The following ATP8A2 variants were observed in gnomAD, a reference collection of about 807,000 sequenced individuals.
ATP8A2 encodes ATPase phospholipid transporting 8A2.
ATP8A2 carries 100 observed loss-of-function variants against 165.6 expected under a neutral mutation model. The observed-to-expected ratio is 0.60, with a 90% CI of 0.51 to 0.71. The LOEUF (loss-of-function observed/expected upper bound fraction) is 0.71. ATP8A2 is among the 30% of genes least tolerant of loss of function. The pLI is 0.00. For synonymous variants in ATP8A2, 543 were observed against 548.8 expected, an observed-to-expected ratio of 0.99 and a Z score of 0.15; for missense variants, 1,227 against 1,479.5, an observed-to-expected ratio of 0.83 and a Z score of 2.80.
At chr13:25,768,119 A>G (rs1279341288) in intron 25 of ATP8A2, among the ~76,000 whole-genome samples, 2 of 151,788 alleles carry the variant, frequency 1.3e-5, no homozygotes, top group African/African-American at 2.4e-5. Context: ...TAAGTGATCC[A>G]AAAGCTTACC....
chr13:25,620,343 C>T (rs941504010), intron 24 of ATP8A2, among the ~76,000 whole-genome samples: 26 of 152,114 alleles, frequency 1.7e-4, no homozygotes, highest in African/African-American at 6.0e-4. Context: ...AAATACCTGC[C>T]AACCCAGAGC....
chr13:25,601,090 CA>C (rs1394008157), intron 24 of ATP8A2, among the ~76,000 whole-genome samples: 2 of 152,170 alleles, frequency 1.3e-5, no homozygotes, highest in African/African-American at 2.4e-5. Flanking sequence ...TGACAAAGAA[CA>C]GTTGTCCAGG....
chr13:25,457,017 A>T (rs1427025306), intron 1 of ATP8A2, among the ~76,000 whole-genome samples: 1 of 152,222 alleles, frequency 6.6e-6, no homozygotes, highest in Non-Finnish European at 1.5e-5. Flanking sequence ...ATCATGTTTT[A>T]AGAAAGTTTA....
intron 24 of ATP8A2, among the ~76,000 whole-genome samples, chr13:25,636,980 C>T (rs185870996): frequency 1.2e-3 from 172 of 149,164 alleles, no homozygotes; most frequent in African/African-American, 4.1e-3. Flanking sequence ...GTCTCAGCTA[C>T]TCAAGAGGTT....
chr13:25,588,816 A>G (rs2039991508), intron 23 of ATP8A2, among the ~76,000 whole-genome samples: 1 of 152,190 alleles, frequency 6.6e-6, no homozygotes, highest in Non-Finnish European at 1.5e-5. Flanking sequence ...TCTGAGAGAC[A>G]GGCCAGTGCC....
At chr13:25,844,826 GT>G (rs1429582808) in intron 30 of ATP8A2, among the ~76,000 whole-genome samples, 1 of 152,116 alleles carries the variant, frequency 6.6e-6, no homozygotes, top group Admixed American at 6.6e-5. Flanking sequence ...AAGACAGGAG[GT>G]TTTACTAGAA....
At chr13:25,519,194 C>T (rs994737818) in intron 2 of ATP8A2, among the ~76,000 whole-genome samples, 1 of 152,150 alleles carries the variant, frequency 6.6e-6, no homozygotes, top group Admixed American at 6.5e-5. Context: ...AGACTTGCTC[C>T]TGCTCCTTCA....
chr13:25,908,518 C>T (rs180690462), intron 33 of ATP8A2, among the ~76,000 whole-genome samples: 2 of 152,244 alleles, frequency 1.3e-5, no homozygotes, highest in Admixed American at 1.3e-4. Context: ...CAGGTCCTTC[C>T]GAGGTGTCTT....
intron 25 of ATP8A2, among the ~76,000 whole-genome samples, chr13:25,749,311 G>T (rs1208719832): frequency 6.6e-6 from 1 of 152,124 alleles, no homozygotes; most frequent in East Asian, 1.9e-4. Context: ...GGAGGGGGAA[G>T]TGAAGCTGGC....
At chr13:25,969,787 A>T (rs1955872506) in intron 35 of ATP8A2, among the ~76,000 whole-genome samples, 2 of 152,268 alleles carry the variant, frequency 1.3e-5, no homozygotes, top group African/African-American at 4.8e-5. Context: ...GTAAAAAATC[A>T]TCAGTCAACA....
intron 33 of ATP8A2, chr13:25,944,871 T>TA (rs770982078): frequency 1.3e-5 from 2 of 152,236 alleles, no homozygotes; most frequent in African/African-American, 2.4e-5. Context: ...GGTAGTCTCT[T>TA]ACTGTATGAC....
chr13:25,619,491 G>T (rs1016764031), intron 24 of ATP8A2, among the ~76,000 whole-genome samples: 2 of 151,994 alleles, frequency 1.3e-5, no homozygotes, highest in South Asian at 4.2e-4. Context: ...GAAGATACTC[G>T]AATAACCAGA....
chr13:25,431,601 T>G (rs1467545573), intron 1 of ATP8A2, among the ~76,000 whole-genome samples: 2 of 152,252 alleles, frequency 1.3e-5, no homozygotes, highest in African/African-American at 4.8e-5. Flanking sequence ...TAGCACTAGC[T>G]TGATTTCTTC....
chr13:25,828,434 A>G (rs928735361), intron 28 of ATP8A2, among the ~76,000 whole-genome samples: 1 of 152,210 alleles, frequency 6.6e-6, no homozygotes, highest in African/African-American at 2.4e-5. Context: ...TAACCCATAT[A>G]TCTTGATAAT....
chr13:25,674,739 T>C (rs1047865874), intron 24 of ATP8A2, among the ~76,000 whole-genome samples: 6 of 152,208 alleles, frequency 3.9e-5, no homozygotes, highest in African/African-American at 1.4e-4. Flanking sequence ...TCCCGTGTAG[T>C]GACTATTAGG....
chr13:25,412,133 AGG>A (rs1408948464), intron 1 of ATP8A2, among the ~76,000 whole-genome samples: 3 of 152,182 alleles, frequency 2.0e-5, no homozygotes, highest in African/African-American at 7.2e-5. Flanking sequence ...TCTCAGAGAC[AGG>A]CAGGCATCCT....
At chr13:25,591,080 C>T (rs529628984) in intron 24 of ATP8A2, among the ~76,000 whole-genome samples, 54 of 152,050 alleles carry the variant, frequency 3.6e-4, no homozygotes, top group Admixed American at 1.9e-3. Context: ...CAGTCTTCCC[C>T]CTCTCACACG....
intron 33 of ATP8A2, among the ~76,000 whole-genome samples, chr13:25,884,223 C>T (rs1415779689): frequency 6.6e-6 from 1 of 152,176 alleles, no homozygotes; most frequent in African/African-American, 2.4e-5. Flanking sequence ...GTTGGAGTTA[C>T]ATGGGTCTCT....
intron 33 of ATP8A2, among the ~76,000 whole-genome samples, chr13:25,886,872 G>C (rs1423866288): frequency 6.6e-6 from 1 of 152,182 alleles, no homozygotes; most frequent in Non-Finnish European, 1.5e-5. Flanking sequence ...ACATGGTATT[G>C]CTGGTTGCTC....
Sources: allele counts gnomAD v4.1 joint callset (sites outside exome capture counted in the v4.1 genomes callset), GRCh38; gene constraint gnomAD v4.1.1; transcripts MANE v1.5; gene names NCBI Gene and HGNC (gene_info 2026-07-23, HGNC 2026-07-21).